TMEM132D: variants seen among roughly 807,000 people sequenced by gnomAD.
TMEM132D encodes the protein transmembrane protein 132D.
A neutral mutation model predicts 62.3 loss-of-function variants in TMEM132D; 21 were observed. That is an observed-to-expected ratio of 0.34 (90% confidence interval 0.24 to 0.49). TMEM132D has a LOEUF of 0.49. Ranked by LOEUF, TMEM132D falls within the 20% of genes least tolerant of loss-of-function variation. TMEM132D has a pLI of 0.99. For synonymous variants in TMEM132D, 621 were observed against 575.6 expected (o/e 1.08, Z -1.13); for missense variants, 1,346 against 1,402.8 (o/e 0.96, Z 0.65).
At chr12:129,430,762 C>T (rs60041429) in intron 3 of TMEM132D, among the ~76,000 whole-genome samples, 4 of 152,120 alleles carry the variant, frequency 2.6e-5, no homozygotes, top group African/African-American at 7.2e-5. Context: ...GCCTTCCCTG[C>T]GCCTCAGACT....
intron 2 of TMEM132D, among the ~76,000 whole-genome samples, chr12:129,591,186 G>T (rs573804534): frequency 1.3e-5 from 2 of 152,320 alleles, no homozygotes; most frequent in South Asian, 4.1e-4. Context: ...GCACTGTTGA[G>T]GGCCCAGTGA....
In TMEM132D at chr12:129,117,042, G is replaced by A. The variant is rs534359480; in HGVS notation, c.1444-32340C>T. 4.6e-5 allele frequency among the ~76,000 whole-genome samples: 7 copies of A among 151,558 alleles called. No individual in the cohort carries two copies. In the South Asian group the frequency reaches 8.4e-4, roughly 18 times the overall value. On this transcript the variant is annotated intron_variant, in intron 5 of 8. Coordinates refer to ENST00000422113, the MANE Select transcript of TMEM132D (RefSeq NM_133448.3). Reference sequence around the variant, plus strand: ...TAGTAGGTGAATGGATAAATAAACCGTGGTGTGCTATATAATGGAACATTA... The same window carrying A: ...TAGTAGGTGAATGGATAAATAAACCATGGTGTGCTATATAATGGAACATTA...
At chr12:129,392,549 T>C (rs1433950349) in intron 3 of TMEM132D, among the ~76,000 whole-genome samples, 3 of 152,110 alleles carry the variant, frequency 2.0e-5, no homozygotes, top group African/African-American at 4.8e-5. Flanking sequence ...ACCCTCCCTG[T>C]AAAAAAGCTG....
intron 2 of TMEM132D, among the ~76,000 whole-genome samples, chr12:129,634,191 G>C (rs1030260925): frequency 3.9e-5 from 6 of 152,110 alleles, no homozygotes; most frequent in Non-Finnish European, 8.8e-5. Context: ...AAATTGTCCA[G>C]GCAGGACACG....
chr12:129,713,196 G>C (rs971380569), intron 1 of TMEM132D, among the ~76,000 whole-genome samples: 13 of 152,168 alleles, frequency 8.5e-5, no homozygotes, highest in East Asian at 5.8e-4. Context: ...TGCTCTAGGG[G>C]CCCAACCTCC....
At chr12:129,759,618 G>A (rs1189545219) in intron 1 of TMEM132D, among the ~76,000 whole-genome samples, 1 of 152,148 alleles carries the variant, frequency 6.6e-6, no homozygotes. Context: ...GCCAGTGCCA[G>A]ACATATTCCA....
intron 4 of TMEM132D, among the ~76,000 whole-genome samples, chr12:129,267,825 C>T (rs923621124): frequency 1.3e-5 from 2 of 152,062 alleles, no homozygotes; most frequent in Non-Finnish European, 2.9e-5. Flanking sequence ...GGTACTGGTA[C>T]CAAAACAGAG....
At chr12:129,582,278 T>G (rs895643885) in intron 2 of TMEM132D, among the ~76,000 whole-genome samples, 1 of 152,210 alleles carries the variant, frequency 6.6e-6, no homozygotes, top group African/African-American at 2.4e-5. Flanking sequence ...TCAACGTTGT[T>G]GGGTATTTGG....
intron 1 of TMEM132D, among the ~76,000 whole-genome samples, chr12:129,759,930 G>T (rs1443984099): frequency 6.6e-6 from 1 of 151,556 alleles, no homozygotes; most frequent in Non-Finnish European, 1.5e-5. Context: ...TTTTGAGACA[G>T]GGTCTTGCTC....
At chr12:129,550,629 G>A (rs1308403544) in intron 2 of TMEM132D, among the ~76,000 whole-genome samples, 2 of 152,192 alleles carry the variant, frequency 1.3e-5, no homozygotes, top group East Asian at 1.9e-4. Flanking sequence ...CTGGGTGAAA[G>A]CTAAGTGCTA....
rs571237151 is a variant in TMEM132D at position 129,400,009 on chromosome 12, GATC to G, written c.1116-62195_1116-62193del. ...TTGGTAAAGTGTGATTGTGATGATA[GATC>G]ATTATGCAAAAAGAAAAATTACAAT... On this transcript the variant is annotated intron_variant, in intron 3 of 8. Transcript: ENST00000422113. Among the ~76,000 whole-genome samples, 8 of 151,998 alleles carry G rather than the reference GATC, an allele frequency of 5.3e-5. No individual in the cohort carries two copies. The South Asian group carries it at 1.7e-3, about 32-fold the overall frequency.
At chr12:129,691,335 G>GA (rs943117555) in intron 2 of TMEM132D, among the ~76,000 whole-genome samples, 6 of 151,420 alleles carry the variant, frequency 4.0e-5, no homozygotes, top group African/African-American at 1.5e-4. Context: ...ACAAATTAGA[G>GA]AAAAAAATCA....
At chr12:129,398,135 C>T (rs1871487926) in intron 3 of TMEM132D, among the ~76,000 whole-genome samples, 1 of 152,172 alleles carries the variant, frequency 6.6e-6, no homozygotes. Context: ...TAAACTCTGC[C>T]CACCTCTGAC....
At position 129,331,696 on chromosome 12, in the gene TMEM132D, CTA is replaced by C. The variant is rs578128204; in HGVS notation, c.1299+5936_1299+5937del. 2.0e-5 allele frequency among the ~76,000 whole-genome samples: 3 copies of C among 152,288 alleles called. No individual in the cohort carries two copies. In the South Asian group the frequency reaches 6.2e-4, roughly 32 times the overall value. ...ATTTTAAAATGAAGAGGACTTGTAA[CTA>C]TGTTTTAAAGGACTAGCTGATAAGG... On this transcript the variant is annotated intron_variant, in intron 4 of 8. Transcript: ENST00000422113.
chr12:129,656,402 C>T (rs1430201027), intron 2 of TMEM132D, among the ~76,000 whole-genome samples: 2 of 152,124 alleles, frequency 1.3e-5, no homozygotes, highest in Admixed American at 1.3e-4. Flanking sequence ...ATGGCAGAAA[C>T]AGCTGATTAT....
intron 1 of TMEM132D, among the ~76,000 whole-genome samples, chr12:129,899,733 T>C (rs1875289003): frequency 1.3e-5 from 2 of 152,250 alleles, no homozygotes; most frequent in South Asian, 2.1e-4. Context: ...ATTCTACCTT[T>C]CTATGCACAT....
chr12:129,657,039 CAT>C (rs1307611226), intron 2 of TMEM132D, among the ~76,000 whole-genome samples: 4 of 152,170 alleles, frequency 2.6e-5, no homozygotes, highest in Non-Finnish European at 5.9e-5. Context: ...ACTGAAATAT[CAT>C]ATGTGTCCAA....
At chr12:129,518,491 T>C (rs1018945588) in intron 3 of TMEM132D, among the ~76,000 whole-genome samples, 2 of 150,880 alleles carry the variant, frequency 1.3e-5, no homozygotes, top group African/African-American at 2.4e-5. Flanking sequence ...GCCTCTTGAC[T>C]ATATTGTGTG....
chr12:129,698,230 A>G (rs1352601439), intron 2 of TMEM132D: 1 of 151,916 alleles, frequency 6.6e-6, no homozygotes, highest in Non-Finnish European at 1.5e-5. Context: ...GATTTCCAGA[A>G]GGACGGAAGG....
Sources: allele counts gnomAD v4.1 joint callset (sites outside exome capture counted in the v4.1 genomes callset), GRCh38; gene constraint gnomAD v4.1.1; transcripts MANE v1.5; gene names NCBI Gene and HGNC (gene_info 2026-07-23, HGNC 2026-07-21).